Variants in DACH2 observed in about 807,000 individuals in gnomAD.
DACH2 encodes dachshund family transcription factor 2.
DACH2 carries 17 observed loss-of-function variants against 35.8 expected under a neutral mutation model. The observed-to-expected ratio is 0.48, with a 90% CI of 0.33 to 0.71. The LOEUF (loss-of-function observed/expected upper bound fraction) is 0.71. DACH2 is among the 30% of genes least tolerant of loss of function. The pLI is 0.02. For synonymous variants in DACH2, 195 were observed against 177.3 expected (o/e 1.10, Z -0.79); for missense variants, 469 against 472.7 (o/e 0.99, Z 0.07).
At chrX:86,166,475 T>G (rs942173092) in intron 1 of DACH2, among the ~76,000 whole-genome samples, 3 of 111,688 alleles carry the variant, frequency 2.7e-5, no homozygotes, top group African/African-American at 9.7e-5. Context: ...GGAGTCTTTA[T>G]GTTTTTCCAA....
chrX:86,638,833 A>C (rs936536023), intron 3 of DACH2, among the ~76,000 whole-genome samples: 5 of 112,297 alleles, frequency 4.5e-5, no homozygotes, highest in Non-Finnish European at 9.4e-5. Flanking sequence ...AGTACGATCT[A>C]TATGGAAACA....
intron 6 of DACH2, among the ~76,000 whole-genome samples, chrX:86,720,881 A>T (rs949373657): frequency 1.8e-5 from 2 of 112,544 alleles, no homozygotes; most frequent in African/African-American, 6.5e-5. Context: ...CATCCTCTGA[A>T]ATGTAGGCAG....
intron 1 of DACH2, chrX:86,262,833 C>A (rs1350347803): frequency 1.0e-5 from 2 of 191,828 alleles, no homozygotes; most frequent in Non-Finnish European, 1.6e-5. Context: ...AAAATTAAAA[C>A]CATTGGTTGC....
intron 3 of DACH2, among the ~76,000 whole-genome samples, chrX:86,562,824 C>A (rs1440714330): frequency 9.0e-6 from 1 of 111,331 alleles, no homozygotes; most frequent in African/African-American, 3.3e-5. Context: ...TATGTTGATA[C>A]CTTAACTGTA....
rs1256013510 is a variant in DACH2 at position 86,247,319 on chromosome X, C to T, written c.488+98211C>T. 1.9e-4 allele frequency among the ~76,000 whole-genome samples: 21 copies of T among 110,825 alleles called. 1 individual carries two copies. Among genetic ancestry groups the T allele is most frequent in the Non-Finnish European group, 5.7e-5 (3 of 52,750 alleles). On this transcript the variant is annotated intron_variant, in intron 1 of 11. Coordinates refer to ENST00000373125, the MANE Select transcript of DACH2 (RefSeq NM_053281.3). Reference sequence around the variant, plus strand: ...AGACATGAAAAACCACACAAAAGATCAATGAAACCAAAGTTGGTCCTTTTA... The same window carrying T: ...AGACATGAAAAACCACACAAAAGATTAATGAAACCAAAGTTGGTCCTTTTA...
chrX:86,464,112 C>A (rs1194705743), intron 2 of DACH2, among the ~76,000 whole-genome samples: 1 of 111,125 alleles, frequency 9.0e-6, no homozygotes, highest in Non-Finnish European at 1.9e-5. Context: ...GACAGTGTGG[C>A]AGCTCCTCAA....
At chrX:86,696,394 G>T (rs2041068116) in intron 5 of DACH2, among the ~76,000 whole-genome samples, 1 of 111,737 alleles carries the variant, frequency 8.9e-6, no homozygotes, top group Admixed American at 9.6e-5. Flanking sequence ...GCAAATGAAA[G>T]GAATGCCAGA....
At chrX:86,772,625 AG>A (rs2041997370) in intron 7 of DACH2, among the ~76,000 whole-genome samples, 1 of 111,929 alleles carries the variant, frequency 8.9e-6, no homozygotes, top group African/African-American at 3.2e-5. Context: ...ATGAAAACAA[AG>A]AATATTGTGT....
chrX:86,531,280 A>C (rs1471569918), intron 3 of DACH2, among the ~76,000 whole-genome samples: 1 of 112,045 alleles, frequency 8.9e-6, no homozygotes, highest in Non-Finnish European at 1.9e-5. Flanking sequence ...CAAGGAGCCC[A>C]ATGTTAATAG....
intron 3 of DACH2, among the ~76,000 whole-genome samples, chrX:86,556,527 T>A (rs1219279827): frequency 1.8e-5 from 2 of 108,790 alleles, no homozygotes; most frequent in African/African-American, 6.7e-5. Context: ...TGTTTTGGTA[T>A]CTGCTAGTTA....
chrX:86,578,642 C>T (rs748644919), intron 3 of DACH2, among the ~76,000 whole-genome samples: 6 of 111,653 alleles, frequency 5.4e-5, no homozygotes, highest in Non-Finnish European at 1.1e-4. Context: ...ACTGTATGGA[C>T]GTACTATAGT....
intron 3 of DACH2, among the ~76,000 whole-genome samples, chrX:86,590,497 T>C (rs1249490257): frequency 2.7e-5 from 3 of 112,195 alleles, no homozygotes; most frequent in Non-Finnish European, 3.8e-5. Context: ...TTCCAAGTTT[T>C]AGTAATTATC....
rs993980435 is a variant in DACH2, at chrX:86,294,527, GCT to G, written c.489-82294_489-82293del. Among the ~76,000 whole-genome samples the G allele has an allele frequency of 1.0e-4, 11 of 110,390 alleles. No homozygotes were observed. The Middle Eastern group carries it at 0.014, about 140-fold the overall frequency. On this transcript the variant is annotated intron_variant, in intron 1 of 11. Transcript: ENST00000373125. ...GCTTTTTAGAGTTTCCAGTTTTTCT[GCT>G]CTGTTTTTTCCCCATCTTTGCGGTT...
chrX:86,181,154 G>GTCTATCTATCTATCTATCTA (rs370859606), intron 1 of DACH2, among the ~76,000 whole-genome samples: 72 of 101,489 alleles, frequency 7.1e-4, no homozygotes, highest in East Asian at 1.8e-3. Flanking sequence ...ATGTCTGACT[G>GTCTATCTATCTATCTATCTA]TCTATCTATC....
At chrX:86,191,241 C>T (rs960903800) in intron 1 of DACH2, among the ~76,000 whole-genome samples, 5 of 111,591 alleles carry the variant, frequency 4.5e-5, no homozygotes, top group Admixed American at 9.5e-5. Context: ...TGCCAATCAA[C>T]GGTGGACTGG....
intron 4 of DACH2, among the ~76,000 whole-genome samples, chrX:86,660,694 G>T (rs1296354678): frequency 1.8e-5 from 2 of 111,286 alleles, no homozygotes; most frequent in African/African-American, 6.5e-5. Flanking sequence ...TACAATGCCA[G>T]ATTTCAAAGT....
intron 7 of DACH2, among the ~76,000 whole-genome samples, chrX:86,795,205 T>C (rs2042223027): frequency 9.4e-6 from 1 of 106,872 alleles, no homozygotes; most frequent in Non-Finnish European, 1.9e-5. Context: ...TGAGTAGATA[T>C]AGCTGTTCAG....
At chrX:86,327,923 A>T (rs1293611747) in intron 1 of DACH2, among the ~76,000 whole-genome samples, 2 of 111,355 alleles carry the variant, frequency 1.8e-5, no homozygotes, top group Non-Finnish European at 3.8e-5. Flanking sequence ...TTAAATTATT[A>T]TGTTGGTATT....
At chrX:86,379,755 A>AC (rs765578810) in intron 2 of DACH2, among the ~76,000 whole-genome samples, 1 of 111,086 alleles carries the variant, frequency 9.0e-6, no homozygotes, top group Non-Finnish European at 1.9e-5. Context: ...TTTAACACAA[A>AC]CACACGTGAA....
Sources: gnomAD v4.1 joint callset for allele counts (sites outside exome capture counted in the v4.1 genomes callset) on GRCh38, gnomAD v4.1.1 for gene constraint, MANE v1.5 for transcripts, NCBI Gene and HGNC (gene_info 2026-07-23, HGNC 2026-07-21) for gene names.